MMRN1: variants seen among roughly 807,000 people sequenced by gnomAD.
The protein encoded by MMRN1 is multimerin 1.
A neutral mutation model predicts 100.7 loss-of-function variants in MMRN1; 94 were observed. The observed-to-expected ratio is 0.93, with a 90% CI of 0.79 to 1.11. The LOEUF is 1.11. Ranked by LOEUF, MMRN1 falls within the 50% of genes least tolerant of loss-of-function variation. The pLI, the probability that MMRN1 is intolerant of heterozygous loss-of-function variation, is 0.00. For missense variants in MMRN1, 1,606 were observed against 1,439.1 expected, an observed-to-expected ratio of 1.12 and a Z score of -1.88; for synonymous variants, 575 against 505.0, an observed-to-expected ratio of 1.14 and a Z score of -1.86.
Position 89,895,236 on chromosome 4 carries a change from A to G in MMRN1, c.265A>G (p.Ser89Gly). 6.2e-7 allele frequency: 1 copy of G among 1,613,870 alleles called. No individual in the cohort carries two copies. The highest frequency in any genetic ancestry group is 8.5e-7 in the Non-Finnish European group (1 of 1,179,906). ...ATCAACACTGCCTCCCTCAGAAACA[A>G]GTGCACCTGCTGAGGGTGTGAGAAA... Reference protein sequence around the residue: ...LKSTLPPSETSAPAEGVRNQT... With the variant: ...LKSTLPPSETGAPAEGVRNQT... The change falls in exon 1 of 8, where the codon AGT becomes GGT. Residue 89 changes from serine to glycine, a missense_variant. Transcript: ENST00000264790.
intron 1 of MMRN1, among the ~76,000 whole-genome samples, chr4:89,884,042 T>A (rs571483979): frequency 1.3e-5 from 2 of 152,240 alleles, no homozygotes; most frequent in Non-Finnish European, 2.9e-5. Context: ...TGGTATAGAT[T>A]GATTTTTGGA....
At chr4:89,920,981 G>T (rs1350236965) in intron 3 of MMRN1, among the ~76,000 whole-genome samples, 5 of 152,014 alleles carry the variant, frequency 3.3e-5, no homozygotes, top group Admixed American at 3.3e-4. Flanking sequence ...ATTCTAATGG[G>T]ATGTAAAGAA....
rs749309308 is a variant in MMRN1, at chr4:89,936,815, A to C, written c.3118+17A>C. 4 of 1,549,448 alleles carry C rather than the reference A, an allele frequency of 2.6e-6. No homozygotes were observed. In the Admixed American group the frequency reaches 8.4e-5, roughly 32 times the overall value. On this transcript the variant is annotated intron_variant, in intron 6 of 7. Coordinates refer to ENST00000264790, the MANE Select transcript of MMRN1 (RefSeq NM_007351.3). ...TATATCCTGGTAAGCTGTTACTGAA[A>C]AGTAACTTTTAATCTCTCTTTTTAC...
chr4:89,917,990 T>C (rs1310789077), intron 3 of MMRN1, among the ~76,000 whole-genome samples: 1 of 151,812 alleles, frequency 6.6e-6, no homozygotes, highest in Non-Finnish European at 1.5e-5. Flanking sequence ...TTAACGTCAT[T>C]AGGCCAAATT....
At position 89,954,585 on chromosome 4, in the gene MMRN1, A is replaced by T. The variant is rs1169548406; in HGVS notation, c.*1167A>T. 6.6e-6 allele frequency: 1 copy of T among 152,192 alleles called. No individual in the cohort carries two copies. The highest frequency in any genetic ancestry group is 1.5e-5 in the Non-Finnish European group (1 of 68,036). The allele number at this position is 152,192 out of a possible 1,614,324, so 9.4% of individuals were successfully genotyped here. Reference sequence around the variant, plus strand: ...ACGTGTTTCTGAAAAACAGATTTTCATAAGTAATAATAAAAATAATAATAA... The same window carrying T: ...ACGTGTTTCTGAAAAACAGATTTTCTTAAGTAATAATAAAAATAATAATAA... On this transcript the variant is annotated 3_prime_UTR_variant, in exon 8 of 8. Coordinates refer to ENST00000264790, the MANE Select transcript of MMRN1 (RefSeq NM_007351.3).
chr4:89,922,266 C>T (rs145183447), intron 3 of MMRN1, among the ~76,000 whole-genome samples: 1 of 151,976 alleles, frequency 6.6e-6, no homozygotes, highest in East Asian at 1.9e-4. Context: ...GCCACCACAT[C>T]TGACTAATTT....
At chr4:89,944,322 G>T (rs1722921994) in intron 6 of MMRN1, among the ~76,000 whole-genome samples, 1 of 152,116 alleles carries the variant, frequency 6.6e-6, no homozygotes, top group Non-Finnish European at 1.5e-5. Context: ...GAAAGAATTT[G>T]ATAAATATTG....
intron 6 of MMRN1, among the ~76,000 whole-genome samples, chr4:89,939,771 C>T (rs987513137): frequency 6.6e-6 from 1 of 152,164 alleles, no homozygotes; most frequent in East Asian, 1.9e-4. Flanking sequence ...TCTGAATATT[C>T]CATATGGCTG....
intron 1 of MMRN1, among the ~76,000 whole-genome samples, chr4:89,903,999 A>G (rs1721476562): frequency 6.6e-6 from 1 of 151,590 alleles, no homozygotes; most frequent in Non-Finnish European, 1.5e-5. Flanking sequence ...CAGCAGGCAG[A>G]ACTTCATCAT....
intron 6 of MMRN1, among the ~76,000 whole-genome samples, chr4:89,939,257 C>G (rs992341900): frequency 2.6e-5 from 4 of 151,988 alleles, no homozygotes; most frequent in African/African-American, 9.7e-5. Context: ...ATAACTAAAG[C>G]CAGAAGATAA....
At chr4:89,944,082 C>A (rs1722915836) in intron 6 of MMRN1, among the ~76,000 whole-genome samples, 1 of 151,950 alleles carries the variant, frequency 6.6e-6, no homozygotes. Flanking sequence ...CATAAGAATA[C>A]CATGTTATTA....
At chr4:89,888,255 A>G (rs993610601) in intron 1 of MMRN1, among the ~76,000 whole-genome samples, 1 of 151,906 alleles carries the variant, frequency 6.6e-6, no homozygotes, top group Non-Finnish European at 1.5e-5. Flanking sequence ...TTCACGTTTT[A>G]CCTATTAAAG....
rs748897248 is a variant in MMRN1 at position 89,953,018 on chromosome 4, G to C, written c.3287G>C (p.Arg1096Thr). 4 of 1,607,282 alleles carry C rather than the reference G, an allele frequency of 2.5e-6. No individual in the cohort carries two copies. The highest frequency in any genetic ancestry group is 3.4e-6 in the Non-Finnish European group (4 of 1,176,878). ...ACAGATTTTTCCAAAGGATCTTACAGATATGCACCCATGGTGGCATTTTTT... is the reference window on the plus strand; with the variant it reads ...ACAGATTTTTCCAAAGGATCTTACACATATGCACCCATGGTGGCATTTTTT... The part of the protein sequence containing the change: ...LAPDFSKGSY[R>T]YAPMVAFFAS... The change falls in exon 8 of 8, where the codon AGA becomes ACA. Residue 1096 changes from arginine (R) to threonine (T), a missense_variant. Transcript: ENST00000264790.
Position 89,953,320 on chromosome 4 carries a change from T to G in MMRN1, c.3589T>G (p.Tyr1197Asp). 6.2e-7 allele frequency: 1 copy of G among 1,613,846 alleles called. No homozygotes were observed. The highest frequency in any genetic ancestry group is 8.5e-7 in the Non-Finnish European group (1 of 1,179,824). ...TGGGGATGCCTTATTAGAATTAAAT[T>G]ATGGGCAGGAAGTCTGGTTACGACT... The part of the protein sequence containing the change: ...LTGDALLELN[Y>D]GQEVWLRLAK... Residue 1197 changes from tyrosine to aspartate, a missense_variant, in exon 8 of 8, where the codon TAT becomes GAT. Tyr to Asp is a radical substitution (Grantham distance 160). Coordinates refer to ENST00000264790, the MANE Select transcript of MMRN1 (RefSeq NM_007351.3).
chr4:89,882,112 T>C (rs992276654), intron 1 of MMRN1, among the ~76,000 whole-genome samples: 1 of 151,802 alleles, frequency 6.6e-6, no homozygotes, highest in African/African-American at 2.4e-5. Flanking sequence ...TTAATTTAAT[T>C]ACTATGATAT....
intron 5 of MMRN1, among the ~76,000 whole-genome samples, chr4:89,932,315 C>G (rs1304886409): frequency 6.6e-6 from 1 of 152,188 alleles, no homozygotes; most frequent in Non-Finnish European, 1.5e-5. Flanking sequence ...GGTACAGCCT[C>G]TCTTCCAGCT....
chr4:89,913,823 G>C (rs1252262599), intron 3 of MMRN1, among the ~76,000 whole-genome samples: 1 of 151,266 alleles, frequency 6.6e-6, no homozygotes, highest in Non-Finnish European at 1.5e-5. Context: ...GGTATCTGCT[G>C]ATTAAGCTGT....
intron 6 of MMRN1, among the ~76,000 whole-genome samples, chr4:89,941,406 T>C (rs1457655487): frequency 1.3e-5 from 2 of 152,178 alleles, no homozygotes; most frequent in Non-Finnish European, 2.9e-5. Context: ...ATCCCTCCCA[T>C]GAAGGACAAC....
intron 1 of MMRN1, among the ~76,000 whole-genome samples, chr4:89,897,765 CT>C (rs1283253327): frequency 6.6e-6 from 1 of 152,032 alleles, no homozygotes; most frequent in African/African-American, 2.4e-5. Flanking sequence ...CTGTGCTAGG[CT>C]TTGGGTTACA....
Sources: allele counts gnomAD v4.1 joint callset (sites outside exome capture counted in the v4.1 genomes callset), GRCh38; gene constraint gnomAD v4.1.1; transcripts MANE v1.5; gene names NCBI Gene and HGNC (gene_info 2026-07-23, HGNC 2026-07-21).